The following PRRC2B variants were observed in gnomAD, a reference collection of about 807,000 sequenced individuals.
PRRC2B encodes protein PRRC2B.
PRRC2B carries 68 observed loss-of-function variants against 242.3 expected under a neutral mutation model. That is an observed-to-expected ratio of 0.28 (90% confidence interval 0.23 to 0.34). The LOEUF (loss-of-function observed/expected upper bound fraction) is 0.34, where lower values mean the gene tolerates loss of function less well. PRRC2B is among the 10% of genes least tolerant of loss of function. PRRC2B has a pLI of 1.00. For missense variants in PRRC2B, 2,835 were observed against 2,954.8 expected (o/e 0.96, Z 0.94); for synonymous variants, 1,228 against 1,173.6 (o/e 1.05, Z -0.95).
chr9:131,432,736 A>T lies in PRRC2B; in HGVS notation c.235A>T (p.Ile79Leu), dbSNP rs778158558. 6.2e-7 allele frequency: 1 copy of T among 1,614,096 alleles called. No homozygotes were observed. The highest frequency in any genetic ancestry group is 1.1e-5 in the South Asian group (1 of 91,090). The change falls in exon 3 of 32, where the codon ATA (isoleucine) becomes TTA (leucine). Residue 79 changes from isoleucine (I) to leucine (L), a missense_variant. Physicochemically the swap from Ile to Leu is conservative, Grantham distance 5. This residue lies in a region of PRRC2B where 626 missense variants were observed against 685.5 expected (regional missense o/e 0.91). Transcript: ENST00000683519. The stretch of plus-strand genomic sequence containing the variant: ...CAAAGGAAACGACCCCAACATCGTG[A>T]TAGTACCCAAGGACGGGACGGGATG... Reference protein sequence around the residue: ...ENKGNDPNIVIVPKDGTGWAN... With the variant: ...ENKGNDPNIVLVPKDGTGWAN...
intron 13 of PRRC2B, 89 bp downstream of exon 13, chr9:131,467,842 A>T (rs550302732): frequency 7.3e-7 from 1 of 1,361,212 alleles, no homozygotes; most frequent in African/African-American, 1.4e-5. Flanking sequence ...CCCCACCTCC[A>T]ACTTAGAAAA....
chr9:131,420,873 G>A (rs1274462775), intron 1 of PRRC2B, among the ~76,000 whole-genome samples: 1 of 152,016 alleles, frequency 6.6e-6, no homozygotes, highest in Non-Finnish European at 1.5e-5. Flanking sequence ...GAGTGAGGCA[G>A]CAGAAGTGTC....
intron 1 of PRRC2B, among the ~76,000 whole-genome samples, chr9:131,404,531 C>CT (rs1252240994): frequency 1.3e-5 from 2 of 150,346 alleles, no homozygotes; most frequent in African/African-American, 4.9e-5. Flanking sequence ...CCCCAGTTGA[C>CT]TTTTTAAAAA....
At position 131,473,663 on chromosome 9, in the gene PRRC2B, A is replaced by C. The variant is rs772074786; in HGVS notation, c.2263A>C (p.Lys755Gln). 2 of 1,613,726 alleles carry C rather than the reference A, an allele frequency of 1.2e-6. No homozygotes were observed. Among genetic ancestry groups the C allele is most frequent in the African/African-American group, 2.7e-5 (2 of 74,916 alleles). ...SPEGYMALQS[K>Q]GYPLPHPKSS... ...AGAGGGCTACATGGCACTGCAGAGC[A>C]AGGGCTACCCGCTCCCGCACCCGAA... Residue 755 changes from lysine (K) to glutamine (Q), a missense_variant, in exon 15 of 32, where the codon AAG becomes CAG. Around this residue, in one of 7 missense-constraint regions of PRRC2B, gnomAD observed 1,536 missense variants for 1,483.1 expected, o/e 1.04. Coordinates refer to ENST00000683519, the MANE Select transcript of PRRC2B (RefSeq NM_013318.4).
intron 30 of PRRC2B, among the ~76,000 whole-genome samples, chr9:131,493,884 C>T (rs1456463706): frequency 1.1e-4 from 16 of 151,776 alleles, no homozygotes; most frequent in Admixed American, 6.5e-4. Context: ...TTTTTTTCCA[C>T]GTAGCACCTA....
chr9:131,430,085 C>G lies in PRRC2B; in HGVS notation c.-51-9C>G, dbSNP rs1216339238. The G allele has an allele frequency of 6.1e-6, 3 of 493,830 alleles. No individual in the cohort carries two copies. Among genetic ancestry groups the G allele is most frequent in the Admixed American group, 4.5e-5 (1 of 22,372 alleles). 30.6% of individuals were successfully genotyped at this position (493,830 alleles called of 1,614,324 possible). A position where few individuals can be genotyped will look rare whatever the true frequency, so the allele number is the denominator to read the frequency against. On this transcript the variant is annotated splice_polypyrimidine_tract_variant and intron_variant, in intron 1 of 31. Transcript: ENST00000683519. ...CTTTTTTTTTTTTTCTTCTCTATTTCAAAGGCAGATCGGGAGCGGTGCCGA... is the reference window on the plus strand; with the variant it reads ...CTTTTTTTTTTTTTCTTCTCTATTTGAAAGGCAGATCGGGAGCGGTGCCGA...
At chr9:131,394,702 C>T (rs1836994178) in intron 1 of PRRC2B, among the ~76,000 whole-genome samples, 1 of 151,628 alleles carries the variant, frequency 6.6e-6, no homozygotes, top group Admixed American at 6.6e-5. Context: ...ATTGACGGAG[C>T]AGCGCGCCCG....
At chr9:131,421,253 G>A (rs889228647) in intron 1 of PRRC2B, among the ~76,000 whole-genome samples, 5 of 152,186 alleles carry the variant, frequency 3.3e-5, no homozygotes, top group Admixed American at 2.0e-4. Context: ...CACAGGGTCT[G>A]GCACACACAT....
chr9:131,378,529 A>G (rs1377763952), intron 1 of PRRC2B, among the ~76,000 whole-genome samples: 1 of 152,106 alleles, frequency 6.6e-6, no homozygotes, highest in African/African-American at 2.4e-5. Flanking sequence ...CACCTGCAAA[A>G]GTTCCCCAAG....
intron 1 of PRRC2B, among the ~76,000 whole-genome samples, chr9:131,407,991 A>G (rs551150458): frequency 6.6e-6 from 1 of 152,296 alleles, no homozygotes; most frequent in South Asian, 2.1e-4. Flanking sequence ...CATTGCATCC[A>G]GGTTGGAGTG....
intron 11 of PRRC2B, among the ~76,000 whole-genome samples, chr9:131,464,531 A>G (rs1943336992): frequency 6.6e-6 from 1 of 152,170 alleles, no homozygotes; most frequent in Non-Finnish European, 1.5e-5. Context: ...TGTTGTCCCC[A>G]TTTTAAAAAC....
chr9:131,473,730 A>C lies in PRRC2B; in HGVS notation c.2324+6A>C, dbSNP rs377683108. On this transcript the variant is annotated splice_donor_region_variant and intron_variant, in intron 15 of 31. Coordinates refer to ENST00000683519, the MANE Select transcript of PRRC2B (RefSeq NM_013318.4). ...GCTATGGACATGCGTGTCAGGTGAG[A>C]TGAAGCCTGGTCCTGCTGCCTTGCC... is the stretch of plus-strand genomic sequence containing the variant. 2.5e-6 allele frequency: 4 copies of C among 1,610,492 alleles called. No individual in the cohort carries two copies. Among genetic ancestry groups the C allele is most frequent in the Non-Finnish European group, 3.4e-6 (4 of 1,177,942 alleles).
intron 9 of PRRC2B, among the ~76,000 whole-genome samples, chr9:131,452,206 A>C (rs958894102): frequency 2.0e-5 from 3 of 152,120 alleles, no homozygotes; most frequent in Non-Finnish European, 2.9e-5. Context: ...GGCTGAGTGC[A>C]CTGCTGCAAT....
At chr9:131,425,067 A>G (rs1428490089) in intron 1 of PRRC2B, among the ~76,000 whole-genome samples, 2 of 151,934 alleles carry the variant, frequency 1.3e-5, no homozygotes, top group African/African-American at 2.4e-5. Flanking sequence ...CCTGGGTTCA[A>G]GTGATTCTGC....
In PRRC2B at chr9:131,430,098, G is replaced by A. The variant is rs933212677; in HGVS notation, c.-47G>A. The A allele has an allele frequency of 9.8e-7, 1 of 1,019,852 alleles. No individual in the cohort carries two copies. Among genetic ancestry groups the A allele is most frequent in the Non-Finnish European group, 1.5e-6 (1 of 667,174 alleles). 63.2% of individuals were successfully genotyped at this position (1,019,852 alleles called of 1,614,324 possible). A position where few individuals can be genotyped will look rare whatever the true frequency, so the allele number is the denominator to read the frequency against. ...TCTTCTCTATTTCAAAGGCAGATCG[G>A]GAGCGGTGCCGAGAAAAATTTCCTT... is the stretch of plus-strand genomic sequence containing the variant. On this transcript the variant is annotated 5_prime_UTR_variant, in exon 2 of 32. Transcript: ENST00000683519.
intron 1 of PRRC2B, among the ~76,000 whole-genome samples, chr9:131,375,324 G>C (rs973375197): frequency 6.6e-6 from 1 of 151,962 alleles, no homozygotes; most frequent in African/African-American, 2.4e-5. Flanking sequence ...GCTTGAATCC[G>C]GGAGGCGGAG....
At chr9:131,406,174 T>C (rs564224180) in intron 1 of PRRC2B, among the ~76,000 whole-genome samples, 20 of 152,302 alleles carry the variant, frequency 1.3e-4, no homozygotes, top group African/African-American at 4.8e-4. Context: ...TTTCTAATTA[T>C]GTGCTCAGCA....
At chr9:131,466,477 G>C (rs1943397926) in intron 12 of PRRC2B, among the ~76,000 whole-genome samples, 1 of 152,114 alleles carries the variant, frequency 6.6e-6, no homozygotes, top group Non-Finnish European at 1.5e-5. Context: ...TCTTGTTTTT[G>C]TTTTTTTCCT....
intron 12 of PRRC2B, among the ~76,000 whole-genome samples, chr9:131,466,801 T>G (rs1253205045): frequency 6.6e-6 from 1 of 151,140 alleles, no homozygotes; most frequent in Admixed American, 6.6e-5. Context: ...TGTACTTTCT[T>G]TTTTTCTTTT....
Sources: gnomAD v4.1 joint callset for allele counts (sites outside exome capture counted in the v4.1 genomes callset) on GRCh38, gnomAD v4.1.1 for gene constraint, gnomAD v4.1.1 regional missense constraint, MANE v1.5 for transcripts, NCBI Gene and HGNC (gene_info 2026-07-23, HGNC 2026-07-21) for gene names.